RSU1: variants seen among roughly 807,000 people sequenced by gnomAD.
RSU1 encodes the protein rsu-1.
RSU1 carries 26 observed loss-of-function variants against 31.1 expected under a neutral mutation model. The ratio of observed to expected loss-of-function variants is 0.84; its 90% CI spans 0.61 to 1.16. The LOEUF (loss-of-function observed/expected upper bound fraction) is 1.16, where lower values mean the gene tolerates loss of function less well. Among genes scored for constraint, RSU1 ranks in the 50% most tolerant of loss-of-function variants. The pLI, the probability that RSU1 is intolerant of heterozygous loss-of-function variation, is 0.00. For missense variants in RSU1, 320 were observed against 339.1 expected, an observed-to-expected ratio of 0.94 and a Z score of 0.44; for synonymous variants, 164 against 136.3, an observed-to-expected ratio of 1.20 and a Z score of -1.41.
Position 16,714,629 on chromosome 10 carries a change from TG to T in RSU1, c.599-19475del, listed in dbSNP as rs576700336. Reference sequence around the variant, plus strand: ...GGGTGGGGGGATGTGGTGTGTCACTTGGGTTTGAACACTGGGGTCTCAGTCA... The same window carrying T: ...GGGTGGGGGGATGTGGTGTGTCACTTGGTTTGAACACTGGGGTCTCAGTCA... On this transcript the variant is annotated intron_variant, in intron 7 of 8. Transcript: ENST00000345264. Among the ~76,000 whole-genome samples the T allele has an allele frequency of 4.0e-4, 61 of 152,088 alleles. No individual in the cohort carries two copies. In the East Asian group the frequency reaches 0.011, roughly 29 times the overall value.
In RSU1 at chr10:16,707,820, C is replaced by A. The variant is rs140569239; in HGVS notation, c.599-12665G>T. On this transcript the variant is annotated intron_variant, in intron 7 of 8. Coordinates refer to ENST00000345264, the MANE Select transcript of RSU1 (RefSeq NM_012425.4). ...GTCAATGCTGTGAAAAGTTTCCTCT[C>A]TGTTTTCTTCCAGTAGTTGCATAGT... is the stretch of plus-strand genomic sequence containing the variant. 4.3e-3 allele frequency among the ~76,000 whole-genome samples: 654 copies of A among 152,196 alleles called. 4 individuals are homozygous for A. Among genetic ancestry groups the A allele is most frequent in the Non-Finnish European group, 5.9e-3 (402 of 68,004 alleles).
chr10:16,680,837 A>G (rs1835317552), intron 8 of RSU1, among the ~76,000 whole-genome samples: 1 of 152,234 alleles, frequency 6.6e-6, no homozygotes, highest in Admixed American at 6.5e-5. Context: ...TCAGGAAAAA[A>G]TGAAACAACA....
chr10:16,678,219 T>C (rs929320290), intron 8 of RSU1, among the ~76,000 whole-genome samples: 31 of 152,224 alleles, frequency 2.0e-4, no homozygotes, highest in Non-Finnish European at 4.3e-4. Context: ...TCTTTATTCT[T>C]CTCTTTTGTT....
intron 8 of RSU1, among the ~76,000 whole-genome samples, chr10:16,687,426 T>C (rs1204313445): frequency 6.6e-6 from 1 of 152,136 alleles, no homozygotes; most frequent in African/African-American, 2.4e-5. Flanking sequence ...AAACATCATA[T>C]ATTGAATAAA....
chr10:16,613,777 ATTAAAATGTCTACAGCTC>A (rs1833931715), intron 8 of RSU1, among the ~76,000 whole-genome samples: 1 of 151,896 alleles, frequency 6.6e-6, no homozygotes, highest in Non-Finnish European at 1.5e-5. Context: ...AGAAACTTTT[ATTAAAATGTCTACAGCTC>A]TTTAAAAAAA....
At chr10:16,753,538 A>T (rs548346095) in intron 5 of RSU1, among the ~76,000 whole-genome samples, 9 of 152,332 alleles carry the variant, frequency 5.9e-5, no homozygotes, top group Non-Finnish European at 7.4e-5. Context: ...AATTATTACT[A>T]CGTGTTTCTA....
At position 16,593,216 on chromosome 10, in the gene RSU1, A is replaced by AATCT; in HGVS notation, c.*174_*177dup. The stretch of plus-strand genomic sequence containing the variant: ...GGAAATGGTTTAAAGACCTTATAAC[A>AATCT]ATCTCCCACCTAGCAAAAGAATCTA... On this transcript the variant is annotated 3_prime_UTR_variant, in exon 9 of 9. Coordinates refer to ENST00000345264, the MANE Select transcript of RSU1 (RefSeq NM_012425.4). 1 of 1,230,846 alleles carries AATCT rather than the reference A, an allele frequency of 8.1e-7. No individual in the cohort carries two copies. The highest frequency in any genetic ancestry group is 2.9e-5 in the Admixed American group (1 of 34,186). 76.2% of individuals were successfully genotyped at this position (1,230,846 alleles called of 1,614,324 possible). A position where few individuals can be genotyped will look rare whatever the true frequency, so the allele number is the denominator to read the frequency against.
intron 8 of RSU1, among the ~76,000 whole-genome samples, chr10:16,661,937 T>C (rs544674476): frequency 2.2e-4 from 33 of 152,374 alleles, no homozygotes; most frequent in African/African-American, 7.7e-4. Flanking sequence ...AAAATACATT[T>C]CTCTGACTCA....
chr10:16,668,513 T>C (rs1351757630), intron 8 of RSU1, among the ~76,000 whole-genome samples: 1 of 152,176 alleles, frequency 6.6e-6, no homozygotes, highest in Non-Finnish European at 1.5e-5. Context: ...ACAAGGAAAA[T>C]GAGATCATTT....
intron 8 of RSU1, among the ~76,000 whole-genome samples, chr10:16,656,059 A>G (rs903944511): frequency 3.9e-5 from 6 of 152,202 alleles, no homozygotes; most frequent in Admixed American, 2.0e-4. Context: ...TTTAGCCAAA[A>G]TAATAAATTA....
intron 3 of RSU1, among the ~76,000 whole-genome samples, chr10:16,772,392 T>A (rs1837438835): frequency 6.6e-6 from 1 of 152,106 alleles, no homozygotes; most frequent in African/African-American, 2.4e-5. Flanking sequence ...ACGTATGAAC[T>A]CTGAAATCTT....
chr10:16,764,815 G>C (rs553616871), intron 3 of RSU1, among the ~76,000 whole-genome samples: 1 of 152,188 alleles, frequency 6.6e-6, no homozygotes, highest in South Asian at 2.1e-4. Context: ...ACCATAAACA[G>C]CCTATAAAAA....
At chr10:16,636,388 C>G (rs1834345181) in intron 8 of RSU1, among the ~76,000 whole-genome samples, 1 of 152,148 alleles carries the variant, frequency 6.6e-6, no homozygotes, top group Non-Finnish European at 1.5e-5. Context: ...CAACCTACAT[C>G]CAATTCTTTG....
intron 8 of RSU1, among the ~76,000 whole-genome samples, chr10:16,694,144 C>T (rs1028939277): frequency 3.3e-5 from 5 of 152,212 alleles, no homozygotes; most frequent in African/African-American, 1.2e-4. Flanking sequence ...AAGAAAGAAG[C>T]AGGAATCGTG....
intron 3 of RSU1, among the ~76,000 whole-genome samples, chr10:16,777,031 A>C (rs1837548620): frequency 1.3e-5 from 2 of 152,094 alleles, no homozygotes; most frequent in Admixed American, 1.3e-4. Context: ...ATTTTTTTAA[A>C]ACTTAAGGAA....
At chr10:16,596,661 C>T (rs61032107) in intron 8 of RSU1, among the ~76,000 whole-genome samples, 35 of 152,208 alleles carry the variant, frequency 2.3e-4, no homozygotes, top group African/African-American at 5.3e-4. Context: ...ACCCCTTATC[C>T]GCACAGAGCA....
rs142945443 is a variant in RSU1 at position 16,647,517 on chromosome 10, A to T, written c.731+47506T>A. On this transcript the variant is annotated intron_variant, in intron 8 of 8. Transcript: ENST00000345264. ...AATATCCATCAATTTGTGAATGGAC[A>T]AAGAAACATGGTAAAACCATATAGT... is the stretch of plus-strand genomic sequence containing the variant. Among the ~76,000 whole-genome samples, 74 of 152,378 alleles carry T rather than the reference A, an allele frequency of 4.9e-4. 2 individuals carry two copies. In the East Asian group the frequency reaches 0.014, roughly 29 times the overall value.
chr10:16,788,682 G>A (rs553189502), intron 2 of RSU1, among the ~76,000 whole-genome samples: 20 of 152,256 alleles, frequency 1.3e-4, no homozygotes, highest in Middle Eastern at 3.4e-3. Flanking sequence ...GATCCAAGAC[G>A]ACAGCCTGAG....
At chr10:16,731,030 G>T (rs1278128531) in intron 7 of RSU1, among the ~76,000 whole-genome samples, 2 of 152,032 alleles carry the variant, frequency 1.3e-5, no homozygotes, top group Admixed American at 1.3e-4. Context: ...CACCATGTTG[G>T]CCAGGCTGGT....
Sources: gnomAD v4.1 joint callset for allele counts (sites outside exome capture counted in the v4.1 genomes callset) on GRCh38, gnomAD v4.1.1 for gene constraint, MANE v1.5 for transcripts, NCBI Gene and HGNC (gene_info 2026-07-23, HGNC 2026-07-21) for gene names.